The following RBFOX1 variants were observed in gnomAD, a reference collection of about 807,000 sequenced individuals.
The protein encoded by RBFOX1 is RNA binding fox-1 homolog 1.
Under a neutral mutation model 57.7 loss-of-function variants are expected in RBFOX1, and 8 were observed. That is an observed-to-expected ratio of 0.14 (90% CI 0.08 to 0.25). RBFOX1 has a LOEUF of 0.25. Among genes scored for constraint, RBFOX1 ranks in the 10% least tolerant of loss-of-function variants. RBFOX1 has a pLI of 1.00. For missense variants in RBFOX1, 611 were observed against 548.5 expected, an observed-to-expected ratio of 1.11 and a Z score of -1.14; for synonymous variants, 326 against 222.4, an observed-to-expected ratio of 1.47 and a Z score of -4.15.
At chr16:5,301,528 A>G (rs908160028) in intron 1 of RBFOX1, among the ~76,000 whole-genome samples, 1 of 149,292 alleles carries the variant, frequency 6.7e-6, no homozygotes, top group Non-Finnish European at 1.5e-5. Flanking sequence ...CTGAGGCAGG[A>G]GAATGGCGTG....
intron 4 of RBFOX1, among the ~76,000 whole-genome samples, chr16:7,435,685 C>G (rs774427740): frequency 2.0e-5 from 3 of 152,120 alleles, no homozygotes; most frequent in Admixed American, 6.5e-5. Context: ...TGCCTGCCCC[C>G]GAAGCTATTT....
chr16:5,521,831 A>T (rs77332862), intron 2 of RBFOX1, among the ~76,000 whole-genome samples: 1 of 152,194 alleles, frequency 6.6e-6, no homozygotes, highest in Non-Finnish European at 1.5e-5. Context: ...GGAAGTTCAC[A>T]TGTTATTCCT....
intron 1 of RBFOX1, among the ~76,000 whole-genome samples, chr16:6,304,869 C>G (rs1475315129): frequency 1.9e-5 from 1 of 53,128 alleles, no homozygotes; most frequent in Non-Finnish European, 3.4e-5. Flanking sequence ...ACAGTGAGAC[C>G]CTGTCTCAAA....
intron 2 of RBFOX1, among the ~76,000 whole-genome samples, chr16:5,540,543 C>T (rs750332082): frequency 5.3e-5 from 8 of 152,194 alleles, no homozygotes; most frequent in Middle Eastern, 3.4e-3. Context: ...TTAGTATAAC[C>T]CCGGGAAATC....
intron 4 of RBFOX1, among the ~76,000 whole-genome samples, chr16:7,345,207 G>A (rs1322481157): frequency 4.6e-5 from 7 of 152,122 alleles, no homozygotes; most frequent in African/African-American, 1.7e-4. Flanking sequence ...AGTTACTCCC[G>A]GGGCTGTGGA....
At chr16:5,468,077 T>C (rs933441664) in intron 2 of RBFOX1, among the ~76,000 whole-genome samples, 3 of 152,186 alleles carry the variant, frequency 2.0e-5, no homozygotes, top group Non-Finnish European at 4.4e-5. Flanking sequence ...CTGTGCCCTC[T>C]TGTTCCTCCT....
intron 1 of RBFOX1, among the ~76,000 whole-genome samples, chr16:6,227,215 G>A (rs1250139909): frequency 1.3e-5 from 2 of 152,146 alleles, no homozygotes; most frequent in Non-Finnish European, 2.9e-5. Context: ...CCTCAGAGGT[G>A]AGCATGAACC....
intron 4 of RBFOX1, among the ~76,000 whole-genome samples, chr16:5,942,819 C>T (rs890271121): frequency 6.6e-6 from 1 of 152,154 alleles, no homozygotes; most frequent in Non-Finnish European, 1.5e-5. Flanking sequence ...TTTGCAAAGG[C>T]ACTTTCAAGC....
intron 7 of RBFOX1, among the ~76,000 whole-genome samples, chr16:7,589,912 G>GGAGTGTGTGTGTGT: frequency 7.4e-6 from 1 of 135,054 alleles, no homozygotes; most frequent in South Asian, 2.7e-4. Context: ...GTGTGTGCTG[G>GGAGTGTGTGTGTGT]GTGTGTGTGT....
chr16:7,021,687 T>G (rs1171892013), intron 3 of RBFOX1, among the ~76,000 whole-genome samples: 1 of 149,888 alleles, frequency 6.7e-6, no homozygotes, highest in African/African-American at 2.4e-5. Context: ...CAGACTGGAT[T>G]AAGTGTCCAT....
intron 1 of RBFOX1, among the ~76,000 whole-genome samples, chr16:6,143,754 A>T (rs538705072): frequency 1.3e-5 from 2 of 152,064 alleles, no homozygotes; most frequent in African/African-American, 4.8e-5. Flanking sequence ...TAAGTAGAAG[A>T]CTACCTGTGC....
At chr16:6,481,932 C>G (rs971451236) in intron 2 of RBFOX1, among the ~76,000 whole-genome samples, 2 of 152,020 alleles carry the variant, frequency 1.3e-5, no homozygotes, top group African/African-American at 4.8e-5. Context: ...AAAAAAAAAT[C>G]CCTCCTCGTT....
At chr16:7,138,327 C>G (rs1362421776) in intron 4 of RBFOX1, among the ~76,000 whole-genome samples, 2 of 152,158 alleles carry the variant, frequency 1.3e-5, no homozygotes, top group African/African-American at 4.8e-5. Flanking sequence ...TTAAATAAGA[C>G]CAAGGGTTTC....
chr16:5,992,538 ATGTGTGTGTGCT>A (rs925966923), intron 4 of RBFOX1, among the ~76,000 whole-genome samples: 16 of 152,038 alleles, frequency 1.1e-4, no homozygotes, highest in Non-Finnish European at 1.5e-5. Context: ...GTGTGCATGT[ATGTGTGTGTGCT>A]TGTGTGTGTG....
chr16:5,862,412 G>C (rs1195553155), intron 3 of RBFOX1, among the ~76,000 whole-genome samples: 1 of 152,114 alleles, frequency 6.6e-6, no homozygotes, highest in African/African-American at 2.4e-5. Flanking sequence ...CTTGCTGCCT[G>C]GCGGGTCGCT....
intron 4 of RBFOX1, among the ~76,000 whole-genome samples, chr16:7,484,236 C>T (rs921626919): frequency 2.0e-5 from 3 of 152,120 alleles, no homozygotes; most frequent in Non-Finnish European, 2.9e-5. Flanking sequence ...ATCCATTCAC[C>T]AGACCAATTA....
intron 4 of RBFOX1, among the ~76,000 whole-genome samples, chr16:7,138,210 G>A (rs1358777718): frequency 3.9e-5 from 6 of 152,160 alleles, no homozygotes; most frequent in East Asian, 1.9e-4. Context: ...TGAGGATGGC[G>A]AAAGGAATAC....
At position 7,562,072 on chromosome 16, in the gene RBFOX1, G is replaced by A. The variant is rs115125764; in HGVS notation, c.271-17705G>A. Among the ~76,000 whole-genome samples, 1,447 of 152,284 alleles carry A rather than the reference G, an allele frequency of 9.5e-3. 28 individuals carry two copies. Among genetic ancestry groups the A allele is most frequent in the African/African-American group, 0.033 (1,353 of 41,568 alleles). On this transcript the variant is annotated intron_variant, in intron 5 of 15. Coordinates refer to ENST00000550418, the MANE Select transcript of RBFOX1 (RefSeq NM_018723.4). The stretch of plus-strand genomic sequence containing the variant: ...GTTGGAGGCGTCAGCCAGAAAGGGA[G>A]GCTGCTGGAAGATTGCTAAGCTAGA...
At chr16:6,004,530 A>C (rs771665860) in intron 4 of RBFOX1, among the ~76,000 whole-genome samples, 1 of 152,222 alleles carries the variant, frequency 6.6e-6, no homozygotes, top group Non-Finnish European at 1.5e-5. Flanking sequence ...TGGCCACTCA[A>C]TGAATGTCCA....
Sources: gnomAD v4.1 joint callset for allele counts (sites outside exome capture counted in the v4.1 genomes callset) on GRCh38, gnomAD v4.1.1 for gene constraint, MANE v1.5 for transcripts, NCBI Gene and HGNC (gene_info 2026-07-23, HGNC 2026-07-21) for gene names.